The following ADAMTS2 variants were observed in gnomAD, a reference collection of about 807,000 sequenced individuals.
ADAMTS2 encodes ADAM metallopeptidase with thrombospondin type 1 motif 2, also known as A disintegrin and metalloproteinase with thrombospondin motifs 2.
In ADAMTS2, 50 loss-of-function variants were observed where a neutral mutation model predicts 123.0. That is an observed-to-expected ratio of 0.41 (90% CI 0.32 to 0.51). The LOEUF (loss-of-function observed/expected upper bound fraction) is 0.51. ADAMTS2 is among the 20% of genes least tolerant of loss of function. ADAMTS2 has a pLI of 0.35. For missense variants in ADAMTS2, 1,494 were observed against 1,705.2 expected (o/e 0.88, Z 2.18); for synonymous variants, 678 against 695.4 (o/e 0.98, Z 0.39).
At chr5:179,330,146 A>AG (rs1033623342) in intron 2 of ADAMTS2, among the ~76,000 whole-genome samples, 2 of 151,460 alleles carry the variant, frequency 1.3e-5, no homozygotes, top group African/African-American at 4.8e-5. Context: ...AAAAAAAAAA[A>AG]AAAAAGGAAA....
chr5:179,168,651 G>A (rs1763758808), intron 5 of ADAMTS2, among the ~76,000 whole-genome samples: 1 of 152,184 alleles, frequency 6.6e-6, no homozygotes, highest in Admixed American at 6.5e-5. Context: ...TCTTATGGGG[G>A]AAACTAAGGC....
intron 5 of ADAMTS2, among the ~76,000 whole-genome samples, chr5:179,160,809 A>G (rs1288175838): frequency 6.6e-6 from 1 of 152,210 alleles, no homozygotes; most frequent in Non-Finnish European, 1.5e-5. Flanking sequence ...TGTTCCCATC[A>G]TGACCAGGAA....
intron 17 of ADAMTS2, among the ~76,000 whole-genome samples, chr5:179,127,664 T>C (rs946527544): frequency 1.2e-4 from 18 of 151,986 alleles, no homozygotes; most frequent in Admixed American, 5.2e-4. Context: ...TTCTGAGGTG[T>C]CCACACATCA....
chr5:179,143,397 C>T (rs189577675), intron 10 of ADAMTS2, among the ~76,000 whole-genome samples: 28 of 148,110 alleles, frequency 1.9e-4, no homozygotes, highest in East Asian at 1.4e-3. Flanking sequence ...CGCGCCACTG[C>T]GCTCCAGGCT....
chr5:179,148,270 G>A (rs918441057), intron 10 of ADAMTS2, among the ~76,000 whole-genome samples: 1 of 152,064 alleles, frequency 6.6e-6, no homozygotes, highest in Non-Finnish European at 1.5e-5. Flanking sequence ...ACCCTGTGCT[G>A]TGCCACCCAG....
rs189054384 is a variant in ADAMTS2 at position 179,176,098 on chromosome 5, T to A, written c.975+4974A>T. On this transcript the variant is annotated intron_variant, in intron 5 of 21. Coordinates refer to ENST00000251582, the MANE Select transcript of ADAMTS2 (RefSeq NM_014244.5). ...CTCTATAGTCCTCTGTAACATCTACTCATATCCTAAGAATTCGCTGTGCAG... is the reference window on the plus strand; with the variant it reads ...CTCTATAGTCCTCTGTAACATCTACACATATCCTAAGAATTCGCTGTGCAG... Among the ~76,000 whole-genome samples, 189 of 152,348 alleles carry A rather than the reference T, an allele frequency of 1.2e-3. 1 individual carries two copies. Among genetic ancestry groups the A allele is most frequent in the South Asian group, 3.5e-3 (17 of 4,828 alleles).
chr5:179,274,699 C>T (rs1303730589), intron 2 of ADAMTS2, among the ~76,000 whole-genome samples: 3 of 152,234 alleles, frequency 2.0e-5, no homozygotes, highest in African/African-American at 7.2e-5. Context: ...GAGATGCAGT[C>T]AGTGCCCCCC....
intron 2 of ADAMTS2, among the ~76,000 whole-genome samples, chr5:179,276,070 C>T (rs933259724): frequency 1.3e-5 from 2 of 152,048 alleles, no homozygotes; most frequent in African/African-American, 4.8e-5. Flanking sequence ...GGGTGGGAAC[C>T]CTGCAGGCCC....
In ADAMTS2 at chr5:179,242,149, G is replaced by A. The variant is rs1463927301; in HGVS notation, c.688+30762C>T. Reference sequence around the variant, plus strand: ...CTGGCTCAGTAAGCTCACAGCGTAGGCCTGGGGCTGCGTATGTGAAGAGCC... The same window carrying A: ...CTGGCTCAGTAAGCTCACAGCGTAGACCTGGGGCTGCGTATGTGAAGAGCC... On this transcript the variant is annotated intron_variant, in intron 3 of 21. Coordinates refer to ENST00000251582, the MANE Select transcript of ADAMTS2 (RefSeq NM_014244.5). The surrounding 1 kb of genome is among the most constrained non-coding windows in gnomAD (Gnocchi z 4.2). Among the ~76,000 whole-genome samples the A allele has an allele frequency of 6.6e-6, 1 of 152,162 alleles. No individual in the cohort carries two copies. The highest frequency in any genetic ancestry group is 2.4e-5 in the African/African-American group (1 of 41,428).
chr5:179,237,768 G>A (rs985639066), intron 3 of ADAMTS2, among the ~76,000 whole-genome samples: 1 of 152,138 alleles, frequency 6.6e-6, no homozygotes, highest in Admixed American at 6.5e-5. Context: ...AAAGGAAGGA[G>A]GCATCTTGGA....
At chr5:179,178,983 T>C (rs990762550) in intron 5 of ADAMTS2, among the ~76,000 whole-genome samples, 3 of 152,210 alleles carry the variant, frequency 2.0e-5, no homozygotes, top group Admixed American at 6.5e-5. Context: ...CTTGCTCTGT[T>C]ACCCAGGCTG....
intron 2 of ADAMTS2, among the ~76,000 whole-genome samples, chr5:179,273,702 C>T (rs1766610657): frequency 6.6e-6 from 1 of 152,096 alleles, no homozygotes; most frequent in Non-Finnish European, 1.5e-5. Flanking sequence ...CTACTGCCCC[C>T]CAACTGTCTC....
At chr5:179,223,442 TCA>T (rs959423348) in intron 3 of ADAMTS2, among the ~76,000 whole-genome samples, 5 of 130,030 alleles carry the variant, frequency 3.8e-5, no homozygotes, top group African/African-American at 1.2e-4. Context: ...ACGAACGCAC[TCA>T]CACACGCACA....
intron 2 of ADAMTS2, among the ~76,000 whole-genome samples, chr5:179,294,370 C>A (rs1277309602): frequency 6.6e-6 from 1 of 152,232 alleles, no homozygotes; most frequent in Non-Finnish European, 1.5e-5. Flanking sequence ...TTAATGAATG[C>A]CCTTCCTTTG....
intron 10 of ADAMTS2, chr5:179,151,252 T>C (rs990879866): frequency 1.3e-5 from 2 of 159,116 alleles, no homozygotes; most frequent in African/African-American, 2.4e-5. Flanking sequence ...TACCATAGTT[T>C]AAAAAAGAAC....
intron 4 of ADAMTS2, among the ~76,000 whole-genome samples, chr5:179,200,800 A>G (rs570010870): frequency 7.5e-4 from 114 of 152,344 alleles, no homozygotes; most frequent in Admixed American, 2.2e-3. Flanking sequence ...GTAGGACATC[A>G]AAAACTATCC....
chr5:179,118,896 A>G lies in ADAMTS2; in HGVS notation c.3178+2765T>C, dbSNP rs1762706610. ...CGCTCAGTGCAGTGCAGCCCCAGCTATGTTTATGCACCACCGAATCACCTT... is the reference window on the plus strand; with the variant it reads ...CGCTCAGTGCAGTGCAGCCCCAGCTGTGTTTATGCACCACCGAATCACCTT... On this transcript the variant is annotated intron_variant, in intron 21 of 21. Transcript: ENST00000251582. The surrounding 1 kb of genome is among the most constrained non-coding windows in gnomAD (Gnocchi z 4.5). Among the ~76,000 whole-genome samples the G allele has an allele frequency of 6.6e-6, 1 of 152,174 alleles. No homozygotes were observed. The highest frequency in any genetic ancestry group is 2.4e-5 in the African/African-American group (1 of 41,440).
In ADAMTS2 at chr5:179,273,343, A is replaced by G. The variant is rs562397341; in HGVS notation, c.535-279T>C. 9.5e-4 allele frequency among the ~76,000 whole-genome samples: 144 copies of G among 152,198 alleles called. 1 individual carries two copies. The highest frequency in any genetic ancestry group is 3.4e-3 in the African/African-American group (143 of 41,554). On this transcript the variant is annotated intron_variant, in intron 2 of 21. Coordinates refer to ENST00000251582, the MANE Select transcript of ADAMTS2 (RefSeq NM_014244.5). ...TGCTTTCAGAAAAGTTACTGTGTTT[A>G]TAAAGTCAAAACCGTCCAGAGAAGC...
Position 179,158,865 on chromosome 5 carries a change from G to A in ADAMTS2, c.990C>T (p.Ile330=), listed in dbSNP as rs543342610. The change falls in exon 6 of 22, where the codon ATC becomes ATT. Residue 330 remains isoleucine (I), a synonymous_variant. Coordinates refer to ENST00000251582, the MANE Select transcript of ADAMTS2 (RefSeq NM_014244.5). This position sits in a 1 kb window ranked among gnomAD's most constrained non-coding sequence, Gnocchi z 5.0. ...GGCTCTGAGAGGGGTTCCCGATCTC[G>A]ATGAGGCTCATGGACTGCAGGGGGA... ...LLSYGKSMSL[I]EIGNPSQSLE... is the part of the protein sequence containing the mutation. 10 of 1,614,120 alleles carry A rather than the reference G, an allele frequency of 6.2e-6. No homozygotes were observed. Among genetic ancestry groups the A allele is most frequent in the South Asian group, 3.3e-5 (3 of 91,088 alleles).
Sources: allele counts gnomAD v4.1 joint callset (sites outside exome capture counted in the v4.1 genomes callset), GRCh38; gene constraint gnomAD v4.1.1; non-coding constraint Gnocchi (gnomAD v3.1); transcripts MANE v1.5; gene names NCBI Gene and HGNC (gene_info 2026-07-23, HGNC 2026-07-21).